Variants in SORT1 observed in about 807,000 individuals in gnomAD.
SORT1 encodes sortilin.
Under a neutral mutation model 101.7 loss-of-function variants are expected in SORT1, and 39 were observed. The ratio of observed to expected loss-of-function variants is 0.38; its 90% CI spans 0.30 to 0.50. SORT1 has a LOEUF of 0.50. Ranked by LOEUF, SORT1 falls within the 20% of genes least tolerant of loss-of-function variation. The pLI, the probability that SORT1 is intolerant of heterozygous loss-of-function variation, is 0.90. For synonymous variants in SORT1, 396 were observed against 393.7 expected (o/e 1.01, Z -0.07); for missense variants, 878 against 1,040.4 (o/e 0.84, Z 2.15).
chr1:109,363,045 A>T (rs1280747867), intron 3 of SORT1, among the ~76,000 whole-genome samples: 2 of 152,180 alleles, frequency 1.3e-5, no homozygotes, highest in Non-Finnish European at 2.9e-5. Flanking sequence ...ACTTACATTG[A>T]CTATGTAATA....
At chr1:109,354,050 C>A (rs1035232741) in intron 5 of SORT1, among the ~76,000 whole-genome samples, 2 of 152,154 alleles carry the variant, frequency 1.3e-5, no homozygotes, top group African/African-American at 4.8e-5. Context: ...AGGAGTTTGA[C>A]AATTTATGCT....
At chr1:109,316,777 C>CT (rs1462769043) in intron 17 of SORT1, 73 bp downstream of exon 17, 12 of 975,904 alleles carry the variant, frequency 1.2e-5, no homozygotes, top group Non-Finnish European at 1.7e-5. Context: ...ACTCTTGATG[C>CT]TTTAACTTTG....
chr1:109,340,436 G>A lies in SORT1; in HGVS notation c.1264+288C>T, dbSNP rs150764044. Among the ~76,000 whole-genome samples, 873 of 152,236 alleles carry A rather than the reference G, an allele frequency of 5.7e-3. 5 individuals carry two copies. The highest frequency in any genetic ancestry group is 0.02 in the African/African-American group (811 of 41,566). ...GGAACGAGGAGTGCTTGTGCACCTG[G>A]TGCAATTTCTATTTGGGATGATGAA... On this transcript the variant is annotated intron_variant, in intron 10 of 19. Transcript: ENST00000256637.
At chr1:109,323,146 G>T (rs370962342) in intron 14 of SORT1, 25 bp from the exon 15 acceptor site, 4 of 1,592,742 alleles carry the variant, frequency 2.5e-6, no homozygotes, top group Non-Finnish European at 2.6e-6. Flanking sequence ...CACTGTTCAG[G>T]AAAGTACACA....
chr1:109,320,566 T>C (rs1227315703), intron 15 of SORT1, among the ~76,000 whole-genome samples: 1 of 152,240 alleles, frequency 6.6e-6, no homozygotes, highest in Non-Finnish European at 1.5e-5. Context: ...TCTTCCCAGA[T>C]GCTCATGGTC....
intron 11 of SORT1, 47 bp from the exon 12 acceptor site, chr1:109,327,648 C>T (rs776560981): frequency 2.4e-6 from 3 of 1,260,052 alleles, no homozygotes; most frequent in Non-Finnish European, 3.3e-6. Context: ...GATAAAGATA[C>T]AATTTCTTTA....
intron 9 of SORT1, among the ~76,000 whole-genome samples, chr1:109,341,801 A>G (rs772187890): frequency 2.0e-5 from 3 of 152,212 alleles, no homozygotes; most frequent in Non-Finnish European, 4.4e-5. Flanking sequence ...CCATTCTTTG[A>G]GCAGCTCTGC....
chr1:109,352,089 G>C (rs900042654), intron 5 of SORT1, among the ~76,000 whole-genome samples: 1 of 151,982 alleles, frequency 6.6e-6, no homozygotes, highest in Non-Finnish European at 1.5e-5. Flanking sequence ...TCATTAACTA[G>C]TATAAGGATT....
intron 1 of SORT1, among the ~76,000 whole-genome samples, chr1:109,384,415 C>T (rs1307642889): frequency 6.6e-6 from 1 of 152,118 alleles, no homozygotes; most frequent in African/African-American, 2.4e-5. Context: ...ACAGGGACAA[C>T]AGCAAGAGGA....
chr1:109,369,836 A>G (rs1416183104), intron 1 of SORT1, among the ~76,000 whole-genome samples: 1 of 152,178 alleles, frequency 6.6e-6, no homozygotes. Context: ...TCTTTACTGC[A>G]CCAGATGGGG....
intron 3 of SORT1, among the ~76,000 whole-genome samples, chr1:109,360,943 A>T (rs1449552225): frequency 2.0e-5 from 3 of 152,204 alleles, no homozygotes; most frequent in Non-Finnish European, 4.4e-5. Context: ...GCCTTCCCTC[A>T]TTGGGTTCAA....
chr1:109,317,014 G>T, intron 16 of SORT1, 56 bp from the exon 17 acceptor site: 1 of 1,117,842 alleles, frequency 8.9e-7, no homozygotes, highest in Non-Finnish European at 1.3e-6. Context: ...CTGGGTACCT[G>T]CCTATTTCTT....
intron 1 of SORT1, among the ~76,000 whole-genome samples, chr1:109,378,199 T>G (rs1243447041): frequency 6.6e-6 from 1 of 152,152 alleles, no homozygotes; most frequent in Non-Finnish European, 1.5e-5. Flanking sequence ...ATCATGCCAC[T>G]GCACTCTAGT....
chr1:109,335,040 A>T (rs1393217501), intron 11 of SORT1, among the ~76,000 whole-genome samples: 1 of 152,162 alleles, frequency 6.6e-6, no homozygotes, highest in Non-Finnish European at 1.5e-5. Context: ...GGTGGTTAGA[A>T]TTTCCACCAA....
At chr1:109,336,084 G>A (rs757717856) in intron 11 of SORT1, among the ~76,000 whole-genome samples, 156 bp downstream of exon 11, 4 of 152,082 alleles carry the variant, frequency 2.6e-5, no homozygotes, top group South Asian at 2.1e-4. Flanking sequence ...TCTTACTTCC[G>A]AAATTCTAAG....
At position 109,310,972 on chromosome 1, in the gene SORT1, G is replaced by A. The variant is rs773855503; in HGVS notation, c.*3071C>T. 1.3e-5 allele frequency: 2 copies of A among 152,266 alleles called. No homozygotes were observed. Among genetic ancestry groups the A allele is most frequent in the Non-Finnish European group, 2.9e-5 (2 of 68,096 alleles). 9.4% of individuals were successfully genotyped at this position (152,266 alleles called of 1,614,324 possible). On this transcript the variant is annotated 3_prime_UTR_variant, in exon 20 of 20. Transcript: ENST00000256637. ...CCCAGAGGCAAGCATCAGAGCAAGA[G>A]AGAGGAGGTGGGAAGTCCATTCAGA...
chr1:109,362,172 A>G (rs896336615), intron 3 of SORT1, among the ~76,000 whole-genome samples: 2 of 152,166 alleles, frequency 1.3e-5, no homozygotes, highest in African/African-American at 4.8e-5. Context: ...ATACACATTA[A>G]ATAAGGTATC....
At chr1:109,349,428 T>C (rs1649820257) in intron 6 of SORT1, among the ~76,000 whole-genome samples, 1 of 151,772 alleles carries the variant, frequency 6.6e-6, no homozygotes, top group South Asian at 2.1e-4. Context: ...CGAAAGCAAA[T>C]GTGGCATGTG....
intron 8 of SORT1, among the ~76,000 whole-genome samples, chr1:109,345,283 G>C (rs1649503335): frequency 6.6e-6 from 1 of 152,198 alleles, no homozygotes; most frequent in South Asian, 2.1e-4. Context: ...GGGAGGCTGA[G>C]GCGGGGGGAT....
Sources: gnomAD v4.1 joint callset for allele counts (sites outside exome capture counted in the v4.1 genomes callset) on GRCh38, gnomAD v4.1.1 for gene constraint, MANE v1.5 for transcripts, NCBI Gene and HGNC (gene_info 2026-07-23, HGNC 2026-07-21) for gene names.